C10orf90: variants seen among roughly 807,000 people sequenced by gnomAD.
The protein encoded by C10orf90 is (E2-independent) E3 ubiquitin-conjugating enzyme FATS.
C10orf90 carries 56 observed loss-of-function variants against 62.5 expected under a neutral mutation model. The ratio of observed to expected loss-of-function variants is 0.90; its 90% CI spans 0.72 to 1.12. C10orf90 has a LOEUF of 1.12. Among genes scored for constraint, C10orf90 ranks in the 50% most tolerant of loss-of-function variants. The pLI, the probability that C10orf90 is intolerant of heterozygous loss-of-function variation, is 0.00. For missense variants in C10orf90, 970 were observed against 880.4 expected (o/e 1.10, Z -1.29); for synonymous variants, 386 against 340.4 (o/e 1.13, Z -1.47).
intron 7 of C10orf90, among the ~76,000 whole-genome samples, chr10:126,450,848 T>C (rs753051323): frequency 1.3e-5 from 2 of 152,134 alleles, no homozygotes; most frequent in African/African-American, 2.4e-5. Flanking sequence ...AATGGAATTA[T>C]ATCACGCTAT....
At chr10:126,655,213 G>C (rs12768578) in intron 1 of C10orf90, among the ~76,000 whole-genome samples, 22,695 of 152,034 alleles carry the variant, frequency 0.15, 1,812 homozygotes, top group East Asian at 0.21. Flanking sequence ...AGCTACTAGG[G>C]AGGCTGAGGC....
chr10:126,458,957 C>T, intron 7 of C10orf90, 83 bp downstream of exon 7: 2 of 1,415,486 alleles, frequency 1.4e-6, no homozygotes, highest in Non-Finnish European at 1.9e-6. Flanking sequence ...CATTTGGAGC[C>T]ATCACCCCTG....
intron 2 of C10orf90, among the ~76,000 whole-genome samples, chr10:126,616,498 C>T (rs1362902271): frequency 6.6e-6 from 1 of 152,138 alleles, no homozygotes; most frequent in East Asian, 1.9e-4. Context: ...TTTGTTTCAG[C>T]AGGAGGTGGA....
chr10:126,601,994 G>A (rs942606390), intron 2 of C10orf90, among the ~76,000 whole-genome samples: 5 of 152,226 alleles, frequency 3.3e-5, no homozygotes, highest in African/African-American at 4.8e-5. Context: ...AGTACCCTAC[G>A]TTAGGAAAAG....
chr10:126,663,004 C>T (rs1195915287), intron 1 of C10orf90, among the ~76,000 whole-genome samples: 1 of 152,218 alleles, frequency 6.6e-6, no homozygotes, highest in Non-Finnish European at 1.5e-5. Context: ...ACCACAGTTC[C>T]TGGCACACAG....
In C10orf90 at chr10:126,464,913, TGGA is replaced by T; in HGVS notation, c.1605_1607del (p.Pro536del). On this transcript the variant is annotated inframe_deletion, in exon 5 of 10. Transcript: ENST00000488181. ...AATGTCTAGTGGGCTTCTGTTCCAC[TGGA>T]GGAGCAGACACAGTCATACATACTT... The T allele has an allele frequency of 6.2e-7, 1 of 1,613,662 alleles. No homozygotes were observed. Among genetic ancestry groups the T allele is most frequent in the Non-Finnish European group, 8.5e-7 (1 of 1,179,558 alleles).
intron 2 of C10orf90, among the ~76,000 whole-genome samples, chr10:126,561,169 C>T (rs7093782): frequency 0.9 from 137,326 of 152,242 alleles, 62,062 homozygotes; most frequent in Middle Eastern, 0.94. Context: ...GGTACCATAA[C>T]AGCTGGAAAA....
intron 2 of C10orf90, among the ~76,000 whole-genome samples, chr10:126,605,753 T>C (rs1451096787): frequency 6.6e-6 from 1 of 152,004 alleles, no homozygotes; most frequent in East Asian, 1.9e-4. Context: ...ACTCTAGCAA[T>C]GACTAGAGCT....
At chr10:126,559,252 GATGTTTCCAGCATTTCC>G (rs1864847907) in intron 2 of C10orf90, among the ~76,000 whole-genome samples, 1 of 152,164 alleles carries the variant, frequency 6.6e-6, no homozygotes. Flanking sequence ...AAGCAATACA[GATGTTTCCAGCATTTCC>G]ATGTTTCCAT....
intron 2 of C10orf90, among the ~76,000 whole-genome samples, chr10:126,600,518 G>A (rs1443936056): frequency 6.6e-6 from 1 of 152,136 alleles, no homozygotes; most frequent in Non-Finnish European, 1.5e-5. Flanking sequence ...ATGAGCAAAA[G>A]CCAACTGCCT....
rs1338668928 is a variant in C10orf90, at chr10:126,425,167, G to A, written c.*697C>T. 6.6e-6 allele frequency: 1 copy of A among 152,116 alleles called. No individual in the cohort carries two copies. Among genetic ancestry groups the A allele is most frequent in the African/African-American group, 2.4e-5 (1 of 41,412 alleles). The allele number at this position is 152,116 out of a possible 1,614,324, so 9.4% of individuals were successfully genotyped here. ...TCTTAACAAAAGAACTGTTTTAATG[G>A]GGCGGGGCAGGAGGAGTATTGTAGA... On this transcript the variant is annotated 3_prime_UTR_variant, in exon 10 of 10. Transcript: ENST00000488181.
intron 1 of C10orf90, among the ~76,000 whole-genome samples, chr10:126,662,113 CTTTG>C (rs1404862632): frequency 2.7e-5 from 4 of 149,254 alleles, no homozygotes; most frequent in Non-Finnish European, 5.9e-5. Flanking sequence ...AAAAGTTGAA[CTTTG>C]TTTGCCAGCT....
chr10:126,639,086 C>T (rs1167994253), intron 2 of C10orf90, among the ~76,000 whole-genome samples: 1 of 152,196 alleles, frequency 6.6e-6, no homozygotes, highest in African/African-American at 2.4e-5. Context: ...CCAGCAAACT[C>T]CAAAAGACCG....
chr10:126,634,160 T>G lies in C10orf90; in HGVS notation c.313+12405A>C, dbSNP rs78310669. Among the ~76,000 whole-genome samples the G allele has an allele frequency of 3.4e-3, 512 of 152,274 alleles. 3 individuals are homozygous for G. The highest frequency in any genetic ancestry group is 0.012 in the African/African-American group (500 of 41,556). The stretch of plus-strand genomic sequence containing the variant: ...ATCCAAAAGGCTTAAAATCAGATTC[T>G]CAAACAAATATCTGCACTCCCATGT... On this transcript the variant is annotated intron_variant, in intron 2 of 9. Transcript: ENST00000488181.
At chr10:126,554,565 T>C (rs1292946523) in intron 2 of C10orf90, among the ~76,000 whole-genome samples, 4 of 152,212 alleles carry the variant, frequency 2.6e-5, no homozygotes, top group Non-Finnish European at 5.9e-5. Context: ...GAAAATCCAC[T>C]AAGCACGGTG....
intron 4 of C10orf90, among the ~76,000 whole-genome samples, chr10:126,482,343 ATAGCC>A (rs1256197380): frequency 7.2e-5 from 11 of 152,340 alleles, no homozygotes; most frequent in African/African-American, 2.6e-4. Context: ...TGAGTGCAGC[ATAGCC>A]TAGTGAGCAA....
chr10:126,469,124 G>T (rs1414676495), intron 4 of C10orf90, among the ~76,000 whole-genome samples: 1 of 152,180 alleles, frequency 6.6e-6, no homozygotes, highest in African/African-American at 2.4e-5. Context: ...CAAAGGAAGA[G>T]TAAGAAAACT....
intron 5 of C10orf90, among the ~76,000 whole-genome samples, chr10:126,462,485 C>T (rs980329402): frequency 1.1e-4 from 16 of 152,192 alleles, no homozygotes; most frequent in Non-Finnish European, 2.1e-4. Flanking sequence ...TCCCAAGGCA[C>T]GACCCATCCC....
chr10:126,633,410 C>T (rs1047594836), intron 2 of C10orf90, among the ~76,000 whole-genome samples: 13 of 152,240 alleles, frequency 8.5e-5, no homozygotes, highest in African/African-American at 2.9e-4. Flanking sequence ...GCCTGATCCA[C>T]CCAATGGGAT....
Sources: gnomAD v4.1 joint callset for allele counts (sites outside exome capture counted in the v4.1 genomes callset) on GRCh38, gnomAD v4.1.1 for gene constraint, MANE v1.5 for transcripts, NCBI Gene and HGNC (gene_info 2026-07-23, HGNC 2026-07-21) for gene names.